Variants in C1orf141 observed in about 807,000 individuals in gnomAD.
C1orf141 encodes chromosome 1 open reading frame 141.
A neutral mutation model predicts 23.2 loss-of-function variants in C1orf141; 19 were observed. The observed-to-expected ratio is 0.82, with a 90% CI of 0.57 to 1.20. C1orf141 has a LOEUF of 1.20. C1orf141 is among the 50% of genes most tolerant of loss of function. C1orf141 has a pLI of 0.00. For missense variants in C1orf141, 469 were observed against 455.1 expected (o/e 1.03, Z -0.28); for synonymous variants, 153 against 154.6 (o/e 0.99, Z 0.08).
intron 2 of C1orf141, among the ~76,000 whole-genome samples, chr1:67,130,331 T>C (rs1240621314): frequency 2.0e-5 from 3 of 152,218 alleles, no homozygotes; most frequent in African/African-American, 7.2e-5. Context: ...AATCAATGTA[T>C]TGAAGTGAAT....
chr1:67,129,246 A>G (rs1646475040), intron 2 of C1orf141, among the ~76,000 whole-genome samples: 1 of 151,830 alleles, frequency 6.6e-6, no homozygotes, highest in Non-Finnish European at 1.5e-5. Context: ...GCTTGACCCT[A>G]GGAGTTTGAG....
intron 4 of C1orf141, among the ~76,000 whole-genome samples, chr1:67,124,552 C>T (rs1476116048): frequency 6.6e-6 from 1 of 152,202 alleles, no homozygotes; most frequent in African/African-American, 2.4e-5. Context: ...CTCCTGACCT[C>T]AGGCAATTCG....
Position 67,095,365 on chromosome 1 carries a change from T to G in C1orf141, c.473A>C (p.Asn158Thr). ...TGACCTATACTTACTTAATTGATAA[T>G]TTCTGACCGATTTGTTTTCTTTTAT... Reference protein sequence around the residue: ...FNIKENKSVRNYQLSKYRSVR... With the variant: ...FNIKENKSVRTYQLSKYRSVR... Residue 158 changes from asparagine to threonine, a missense_variant, in exon 7 of 8, where the codon AAT becomes ACT. By Grantham distance (65) the Asn-to-Thr change is moderately conservative (BLOSUM62 0). This residue lies in a region of C1orf141 where 370 missense variants were observed against 348.1 expected (regional missense o/e 1.06). Transcript: ENST00000684719. 1 of 1,568,344 alleles carries G rather than the reference T, an allele frequency of 6.4e-7. No individual in the cohort carries two copies. Among genetic ancestry groups the G allele is most frequent in the South Asian group, 1.2e-5 (1 of 85,630 alleles).
chr1:67,101,492 G>A (rs959317406), intron 5 of C1orf141, among the ~76,000 whole-genome samples: 2 of 150,782 alleles, frequency 1.3e-5, no homozygotes, highest in Admixed American at 1.3e-4. Flanking sequence ...GTGTGTGATG[G>A]AGTAGGTGGT....
upstream of C1orf141, among the ~76,000 whole-genome samples, chr1:67,136,752 T>C (rs1646589082): frequency 6.6e-6 from 1 of 152,200 alleles, no homozygotes; most frequent in Admixed American, 6.5e-5. Context: ...AAGACCTGAC[T>C]GAAATTCAAA....
chr1:67,118,252 A>G (rs1360741054), intron 4 of C1orf141, among the ~76,000 whole-genome samples: 2 of 152,212 alleles, frequency 1.3e-5, no homozygotes, highest in African/African-American at 4.8e-5. Flanking sequence ...TACTTGGAGC[A>G]AGAGATTCTT....
At chr1:67,106,361 G>T (rs757615833) in intron 5 of C1orf141, among the ~76,000 whole-genome samples, 1 of 152,084 alleles carries the variant, frequency 6.6e-6, no homozygotes, top group Non-Finnish European at 1.5e-5. Context: ...AACTATGCTT[G>T]ATGGGTCAGG....
intron 5 of C1orf141, chr1:67,102,880 T>A (rs1053347261): frequency 6.4e-6 from 1 of 156,132 alleles, no homozygotes. Context: ...AATAAATATC[T>A]TTACTGTTTA....
At chr1:67,102,896 C>T (rs1014551951) in intron 5 of C1orf141, 6 of 161,782 alleles carry the variant, frequency 3.7e-5, no homozygotes, top group African/African-American at 1.2e-4. Flanking sequence ...GTTTAAGCTA[C>T]AGGCAGTTGG....
At chr1:67,127,047 C>T (rs754863931) in intron 3 of C1orf141, 119 bp downstream of exon 3, 5 of 569,638 alleles carry the variant, frequency 8.8e-6, no homozygotes, top group Non-Finnish European at 1.4e-5. Context: ...TAATTAGTTG[C>T]TTTTTACAAA....
chr1:67,135,643 A>G (rs1558210934), upstream of C1orf141, among the ~76,000 whole-genome samples: 1 of 152,200 alleles, frequency 6.6e-6, no homozygotes, highest in Non-Finnish European at 1.5e-5. Flanking sequence ...AGGCCATGGG[A>G]ATCATTTATT....
At chr1:67,097,229 GACA>G (rs1645701732) in intron 5 of C1orf141, among the ~76,000 whole-genome samples, 1 of 151,890 alleles carries the variant, frequency 6.6e-6, no homozygotes, top group Non-Finnish European at 1.5e-5. Context: ...AAAAAAACCC[GACA>G]ACAACAAAAA....
rs186544614 is a variant in C1orf141 at position 67,094,416 on chromosome 1, G to A, written c.604-812C>T. 7.9e-5 allele frequency: 12 copies of A among 152,342 alleles called. No homozygotes were observed. In the East Asian group the frequency reaches 1.3e-3, roughly 17 times the overall value. 9.4% of individuals were successfully genotyped at this position (152,342 alleles called of 1,614,324 possible). Reference sequence around the variant, plus strand: ...GAACCATGTTTATCAGCTTCTTTGCGGTTAGGACATAGGCATTTGCCCTAG... The same window carrying A: ...GAACCATGTTTATCAGCTTCTTTGCAGTTAGGACATAGGCATTTGCCCTAG... On this transcript the variant is annotated intron_variant, in intron 7 of 7. Coordinates refer to ENST00000684719, the MANE Select transcript of C1orf141 (RefSeq NM_001276351.2).
At chr1:67,132,340 G>A (rs1570740335) in intron 1 of C1orf141, among the ~76,000 whole-genome samples, 1 of 152,104 alleles carries the variant, frequency 6.6e-6, no homozygotes, top group East Asian at 2.0e-4. Context: ...CCAACATGGT[G>A]AAACCCTGTG....
intron 4 of C1orf141, chr1:67,122,214 T>C (rs1332795914): frequency 6.6e-6 from 1 of 152,222 alleles, no homozygotes. Context: ...CTTTTGTATT[T>C]TTAGTAGAGA....
At chr1:67,109,130 A>G (rs2102450450) in intron 5 of C1orf141, among the ~76,000 whole-genome samples, 1 of 152,188 alleles carries the variant, frequency 6.6e-6, no homozygotes, top group East Asian at 1.9e-4. Context: ...GATCGAGACC[A>G]TCCTGGCTAA....
At chr1:67,096,172 A>C in intron 6 of C1orf141, 80 bp downstream of exon 6, 1 of 722,028 alleles carries the variant, frequency 1.4e-6, no homozygotes, top group South Asian at 1.7e-5. Context: ...GAATAAATTT[A>C]TTCCTGTCAA....
At position 67,113,627 on chromosome 1, in the gene C1orf141, A is replaced by G. The variant is rs559495620; in HGVS notation, c.346+1725T>C. ...TGATCCACTTGCCTTGGCATCTCAA[A>G]GTGCTGGGATTACAGCCATGAGCCA... On this transcript the variant is annotated intron_variant, in intron 5 of 7. Transcript: ENST00000684719. The G allele has an allele frequency of 3.5e-5, 33 of 935,936 alleles. No individual in the cohort carries two copies. In the African/African-American group the frequency reaches 5.3e-4, roughly 15 times the overall value. 58.0% of individuals were successfully genotyped at this position (935,936 alleles called of 1,614,324 possible).
At chr1:67,140,553 G>A (rs1331588526) in intron 1 of C1orf141, among the ~76,000 whole-genome samples, 1 of 152,106 alleles carries the variant, frequency 6.6e-6, no homozygotes, top group African/African-American at 2.4e-5. Flanking sequence ...AAGGAACAGA[G>A]AAAGATGCAC....
Sources: gnomAD v4.1 joint callset for allele counts (sites outside exome capture counted in the v4.1 genomes callset) on GRCh38, gnomAD v4.1.1 for gene constraint, gnomAD v4.1.1 regional missense constraint, MANE v1.5 for transcripts, NCBI Gene and HGNC (gene_info 2026-07-23, HGNC 2026-07-21) for gene names.